Variants in L3MBTL4 observed in about 807,000 individuals in gnomAD.
The protein encoded by L3MBTL4 is L3MBTL histone methyl-lysine binding protein 4.
L3MBTL4 carries 70 observed loss-of-function variants against 84.5 expected under a neutral mutation model. That is an observed-to-expected ratio of 0.83 (90% CI 0.68 to 1.01). The LOEUF (loss-of-function observed/expected upper bound fraction) is 1.01, where lower values mean the gene tolerates loss of function less well. Among genes scored for constraint, L3MBTL4 ranks in the 50% least tolerant of loss-of-function variants. The pLI is 0.00. For missense variants in L3MBTL4, 715 were observed against 754.8 expected, an observed-to-expected ratio of 0.95 and a Z score of 0.62; for synonymous variants, 274 against 259.8, an observed-to-expected ratio of 1.05 and a Z score of -0.52.
At chr18:6,396,489 T>A (rs1599901096) in intron 1 of L3MBTL4, 1 of 152,214 alleles carries the variant, frequency 6.6e-6, no homozygotes, top group East Asian at 1.9e-4. Flanking sequence ...ATAGTCCAAA[T>A]TGTTCTCTCT....
At chr18:6,120,005 C>T (rs2059475578) in intron 14 of L3MBTL4, among the ~76,000 whole-genome samples, 1 of 152,198 alleles carries the variant, frequency 6.6e-6, no homozygotes, top group Non-Finnish European at 1.5e-5. Context: ...CTGTTCTGTT[C>T]ACTCATTTTC....
chr18:6,340,575 T>C (rs1170112412), intron 1 of L3MBTL4, among the ~76,000 whole-genome samples: 1 of 152,124 alleles, frequency 6.6e-6, no homozygotes, highest in African/African-American at 2.4e-5. Context: ...GCTGAGAGCA[T>C]GGCAAAGGGG....
At chr18:6,005,259 T>C (rs920238981) in intron 16 of L3MBTL4, among the ~76,000 whole-genome samples, 1 of 151,784 alleles carries the variant, frequency 6.6e-6, no homozygotes, top group African/African-American at 2.4e-5. Context: ...AGCAGGAGAA[T>C]TGCTTGAACC....
intron 1 of L3MBTL4, among the ~76,000 whole-genome samples, chr18:6,324,300 G>GT (rs1230537005): frequency 6.6e-6 from 1 of 152,212 alleles, no homozygotes; most frequent in Non-Finnish European, 1.5e-5. Context: ...GTCTCACAGA[G>GT]TACTCACTGG....
chr18:6,200,770 C>T (rs1221127119), intron 12 of L3MBTL4, among the ~76,000 whole-genome samples: 1 of 152,100 alleles, frequency 6.6e-6, no homozygotes, highest in Non-Finnish European at 1.5e-5. Flanking sequence ...CATATTGCTT[C>T]TTAAAGGTAT....
intron 4 of L3MBTL4, among the ~76,000 whole-genome samples, chr18:6,299,735 T>A (rs112120032): frequency 6.6e-6 from 1 of 152,318 alleles, no homozygotes; most frequent in South Asian, 2.1e-4. Context: ...AGGGACAAGA[T>A]CTTGGCTCAC....
intron 12 of L3MBTL4, among the ~76,000 whole-genome samples, chr18:6,210,846 T>C (rs1599163315): frequency 6.6e-6 from 1 of 152,172 alleles, no homozygotes; most frequent in South Asian, 2.1e-4. Flanking sequence ...CTGATGACAA[T>C]TGCTTCCTTG....
chr18:5,985,412 C>T (rs2053422833), intron 16 of L3MBTL4, among the ~76,000 whole-genome samples: 1 of 152,110 alleles, frequency 6.6e-6, no homozygotes, highest in Non-Finnish European at 1.5e-5. Context: ...CTGACCAAGC[C>T]TGAACACGTC....
chr18:6,091,844 T>C (rs1175331199), intron 15 of L3MBTL4, among the ~76,000 whole-genome samples: 2 of 152,178 alleles, frequency 1.3e-5, no homozygotes, highest in Non-Finnish European at 2.9e-5. Flanking sequence ...TACAACAGAT[T>C]ATAGCAAAAA....
At chr18:6,267,407 A>G (rs2048682113) in intron 4 of L3MBTL4, among the ~76,000 whole-genome samples, 1 of 152,318 alleles carries the variant, frequency 6.6e-6, no homozygotes, top group African/African-American at 2.4e-5. Context: ...GCCCATTAGA[A>G]CGCCTAAAGG....
intron 14 of L3MBTL4, among the ~76,000 whole-genome samples, chr18:6,110,859 G>A (rs554711615): frequency 2.0e-5 from 3 of 152,148 alleles, no homozygotes; most frequent in South Asian, 4.2e-4. Context: ...CTGGATAGAC[G>A]CATTCTCATT....
intron 1 of L3MBTL4, among the ~76,000 whole-genome samples, chr18:6,341,118 T>C (rs1351076867): frequency 2.0e-5 from 3 of 152,074 alleles, no homozygotes; most frequent in East Asian, 1.9e-4. Context: ...ACAAGCTCAC[T>C]GGTGAAGGTC....
At chr18:6,015,973 A>G (rs1484265483) in intron 16 of L3MBTL4, among the ~76,000 whole-genome samples, 3 of 152,192 alleles carry the variant, frequency 2.0e-5, no homozygotes, top group Non-Finnish European at 2.9e-5. Context: ...AATAAAAAAG[A>G]AAAATAAAAA....
At chr18:5,958,130 A>AAGAAGAAGAAAAAG (rs1555616536) in intron 18 of L3MBTL4, among the ~76,000 whole-genome samples, 2 of 31,876 alleles carry the variant, frequency 6.3e-5, no homozygotes, top group Non-Finnish European at 7.8e-5. Context: ...AGAAGAAGAA[A>AAGAAGAAGAAAAAG]AAGAAGAAGA....
At chr18:6,040,292 G>C (rs1444105760) in intron 16 of L3MBTL4, among the ~76,000 whole-genome samples, 1 of 152,088 alleles carries the variant, frequency 6.6e-6, no homozygotes, top group South Asian at 2.1e-4. Context: ...CTTCATCCTG[G>C]AGATATTCAG....
chr18:5,982,116 T>C (rs758379671), intron 16 of L3MBTL4, among the ~76,000 whole-genome samples: 1 of 152,020 alleles, frequency 6.6e-6, no homozygotes, highest in Non-Finnish European at 1.5e-5. Context: ...AAAGGGATAA[T>C]GAAGGAATAG....
intron 16 of L3MBTL4, chr18:6,031,579 C>T (rs2055802932): frequency 2.1e-6 from 2 of 944,952 alleles, no homozygotes; most frequent in Non-Finnish European, 2.5e-6. Context: ...AGGGCTCATT[C>T]ACATGTTTGT....
intron 1 of L3MBTL4, among the ~76,000 whole-genome samples, chr18:6,381,076 CTTCT>C (rs1160807411): frequency 2.0e-5 from 3 of 152,130 alleles, no homozygotes; most frequent in Non-Finnish European, 4.4e-5. Flanking sequence ...ATGTAATGGC[CTTCT>C]TTGTCTCTTT....
intron 13 of L3MBTL4, among the ~76,000 whole-genome samples, chr18:6,159,746 A>G (rs2043245628): frequency 1.3e-5 from 2 of 151,844 alleles, no homozygotes; most frequent in Non-Finnish European, 2.9e-5. Flanking sequence ...TTGTCATTTC[A>G]TAACAAACAC....
Sources: gnomAD v4.1 joint callset for allele counts (sites outside exome capture counted in the v4.1 genomes callset) on GRCh38, gnomAD v4.1.1 for gene constraint, MANE v1.5 for transcripts, NCBI Gene and HGNC (gene_info 2026-07-23, HGNC 2026-07-21) for gene names.